DPY19L3: variants seen among roughly 807,000 people sequenced by gnomAD.
DPY19L3 encodes the protein protein C-mannosyl-transferase DPY19L3.
In DPY19L3, 51 loss-of-function variants were observed where a neutral mutation model predicts 92.3. The observed-to-expected ratio is 0.55, with a 90% CI of 0.44 to 0.70. The LOEUF (loss-of-function observed/expected upper bound fraction) is 0.70. DPY19L3 is among the 30% of genes least tolerant of loss of function. The pLI, the probability that DPY19L3 is intolerant of heterozygous loss-of-function variation, is 0.00. For synonymous variants in DPY19L3, 309 were observed against 315.2 expected (o/e 0.98, Z 0.21); for missense variants, 706 against 855.9 (o/e 0.82, Z 2.18).
intron 15 of DPY19L3, chr19:32,467,628 T>G: frequency 1.0e-6 from 1 of 987,578 alleles, no homozygotes; most frequent in Non-Finnish European, 1.2e-6. Context: ...ATCAATCAGG[T>G]GCTGCTTTGA....
chr19:32,462,838 G>T (rs1391593581), intron 12 of DPY19L3, among the ~76,000 whole-genome samples: 2 of 152,126 alleles, frequency 1.3e-5, no homozygotes, highest in African/African-American at 4.8e-5. Flanking sequence ...AGGAATTATT[G>T]TTACTTTTAT....
chr19:32,433,423 T>C (rs1302044821), intron 4 of DPY19L3, among the ~76,000 whole-genome samples: 3 of 152,212 alleles, frequency 2.0e-5, no homozygotes, highest in African/African-American at 7.2e-5. Flanking sequence ...ATTATTTTTT[T>C]GCTGTTGTTT....
chr19:32,414,224 T>C (rs1968299333), intron 3 of DPY19L3, among the ~76,000 whole-genome samples: 2 of 151,888 alleles, frequency 1.3e-5, no homozygotes, highest in South Asian at 4.2e-4. Context: ...ATTGAGACCA[T>C]CCTGGCTAAC....
At chr19:32,461,355 T>G (rs974988987) in intron 12 of DPY19L3, among the ~76,000 whole-genome samples, 1 of 152,260 alleles carries the variant, frequency 6.6e-6, no homozygotes, top group Non-Finnish European at 1.5e-5. Flanking sequence ...AGGGGCATGG[T>G]GTTCTGTGTT....
Position 32,451,164 on chromosome 19 carries a change from A to G in DPY19L3, c.856-1981A>G, listed in dbSNP as rs545666699. On this transcript the variant is annotated intron_variant, in intron 8 of 18. Transcript: ENST00000392250. ...CACCTAAATGGTCCAGTGGCAAACA[A>G]ATTATGGCATATGGTGGAATGTTAC... Among the ~76,000 whole-genome samples the G allele has an allele frequency of 2.0e-5, 3 of 152,240 alleles. No individual in the cohort carries two copies. In the South Asian group the frequency reaches 6.2e-4, roughly 31 times the overall value.
chr19:32,436,454 G>A lies in DPY19L3; in HGVS notation c.337G>A (p.Gly113Ser). The A allele has an allele frequency of 6.6e-7, 1 of 1,505,522 alleles. No individual in the cohort carries two copies. 93.3% of individuals were successfully genotyped at this position (1,505,522 alleles called of 1,614,324 possible). A position where few individuals can be genotyped will look rare whatever the true frequency, so the allele number is the denominator to read the frequency against. Residue 113 changes from glycine (G) to serine (S), a missense_variant, in exon 5 of 19, where the codon GGC becomes AGC. Transcript: ENST00000392250. ...TTTTCACATATCTATAGGTTTTCAT[G>A]GCCTAATATATGATAATAAAACTGA... ...QAPTLVQGFH[G>S]LIYDNKTESM...
chr19:32,437,054 A>G, intron 5 of DPY19L3, 140 bp from the exon 6 acceptor site: 2 of 940,830 alleles, frequency 2.1e-6, no homozygotes, highest in Non-Finnish European at 3.1e-6. Flanking sequence ...CGCTTCTCTA[A>G]TAGATGAAAG....
chr19:32,441,826 G>A (rs1475011073), intron 8 of DPY19L3, among the ~76,000 whole-genome samples: 1 of 152,170 alleles, frequency 6.6e-6, no homozygotes, highest in South Asian at 2.1e-4. Context: ...AAATTAGAAA[G>A]CAAAGGTACT....
intron 16 of DPY19L3, among the ~76,000 whole-genome samples, chr19:32,471,526 C>T (rs998842609): frequency 6.6e-6 from 1 of 152,154 alleles, no homozygotes; most frequent in African/African-American, 2.4e-5. Context: ...GCACAGGGCA[C>T]CCCTTACGTG....
At chr19:32,474,516 A>G (rs1455030381) in intron 16 of DPY19L3, among the ~76,000 whole-genome samples, 2 of 152,198 alleles carry the variant, frequency 1.3e-5, no homozygotes, top group African/African-American at 4.8e-5. Context: ...GCATTAGTAA[A>G]TACGTGATAC....
intron 15 of DPY19L3, among the ~76,000 whole-genome samples, chr19:32,466,911 A>G (rs558200668): frequency 2.0e-4 from 31 of 152,366 alleles, no homozygotes; most frequent in African/African-American, 4.8e-4. Flanking sequence ...CTGTTTTCCA[A>G]CTATTCCAGC....
At chr19:32,476,867 T>A (rs1486601137) in intron 16 of DPY19L3, among the ~76,000 whole-genome samples, 4 of 152,206 alleles carry the variant, frequency 2.6e-5, no homozygotes, top group African/African-American at 9.7e-5. Flanking sequence ...TTTCAGAATC[T>A]TGTTTCCATG....
intron 3 of DPY19L3, among the ~76,000 whole-genome samples, chr19:32,413,600 TCCCCCC>T (rs1968271743): frequency 1.0e-5 from 1 of 97,096 alleles, no homozygotes; most frequent in South Asian, 4.0e-4. Context: ...TCCCTCCCCC[TCCCCCC>T]ACCCCACAAC....
intron 6 of DPY19L3, among the ~76,000 whole-genome samples, chr19:32,438,020 G>C (rs1183923332): frequency 1.3e-5 from 2 of 152,090 alleles, no homozygotes; most frequent in Non-Finnish European, 2.9e-5. Context: ...ATAGGGTTGT[G>C]TATGGCTCTC....
rs1329321484 is a variant in DPY19L3, at chr19:32,482,183, C to T, written c.2094C>T (p.Phe698=). The change falls in exon 19 of 19, where the codon TTC becomes TTT. Residue 698 remains phenylalanine (F), a synonymous_variant. Coordinates refer to ENST00000392250, the MANE Select transcript of DPY19L3 (RefSeq NM_001172774.2). ...KRNLPPYVAY[F]TRVFQNKTFH... is the part of the protein sequence containing the mutation. The stretch of plus-strand genomic sequence containing the variant: ...ACCTGCCTCCCTACGTGGCCTACTT[C>T]ACCAGAGTGTTCCAGAACAAAACCT... 1 of 1,613,898 alleles carries T rather than the reference C, an allele frequency of 6.2e-7. No homozygotes were observed. Among genetic ancestry groups the T allele is most frequent in the East Asian group, 2.2e-5 (1 of 44,858 alleles).
chr19:32,463,595 C>G (rs1970108485), intron 13 of DPY19L3, 107 bp downstream of exon 13: 2 of 1,338,202 alleles, frequency 1.5e-6, no homozygotes, highest in Non-Finnish European at 2.1e-6. Flanking sequence ...ATCATGGTTC[C>G]CATAAAATCA....
At chr19:32,450,729 G>A (rs1969673100) in intron 8 of DPY19L3, among the ~76,000 whole-genome samples, 2 of 152,142 alleles carry the variant, frequency 1.3e-5, no homozygotes, top group Admixed American at 6.5e-5. Context: ...GGAGAGTGAT[G>A]GCTAGTGGAT....
At chr19:32,416,701 A>G (rs1174432875) in intron 3 of DPY19L3, among the ~76,000 whole-genome samples, 2 of 152,196 alleles carry the variant, frequency 1.3e-5, no homozygotes, top group Non-Finnish European at 2.9e-5. Context: ...TCTTTTCCCC[A>G]TGGAGTCAGG....
intron 3 of DPY19L3, among the ~76,000 whole-genome samples, chr19:32,431,652 TTA>T (rs751288026): frequency 1.3e-5 from 2 of 152,190 alleles, no homozygotes; most frequent in East Asian, 1.9e-4. Context: ...TGAAATTCAT[TTA>T]TGTTTTATGT....
Sources: gnomAD v4.1 joint callset for allele counts (sites outside exome capture counted in the v4.1 genomes callset) on GRCh38, gnomAD v4.1.1 for gene constraint, MANE v1.5 for transcripts, NCBI Gene and HGNC (gene_info 2026-07-23, HGNC 2026-07-21) for gene names.